SGK1: variants seen among roughly 807,000 people sequenced by gnomAD.
SGK1 encodes serine/threonine-protein kinase Sgk1.
A neutral mutation model predicts 64.2 loss-of-function variants in SGK1; 26 were observed. That is an observed-to-expected ratio of 0.40 (90% confidence interval 0.30 to 0.56). SGK1 has a LOEUF of 0.56. Ranked by LOEUF, SGK1 falls within the 20% of genes least tolerant of loss-of-function variation. The probability of loss-of-function intolerance (pLI) is 0.38; values close to 1 mark genes in which losing one functional copy is unlikely to be tolerated. For synonymous variants in SGK1, 265 were observed against 239.7 expected (o/e 1.11, Z -0.98); for missense variants, 519 against 645.6 (o/e 0.80, Z 2.12).
At chr6:134,302,265 TG>T (rs1356837367) in intron 1 of SGK1, among the ~76,000 whole-genome samples, 5 of 152,204 alleles carry the variant, frequency 3.3e-5, no homozygotes, top group African/African-American at 1.2e-4. Context: ...CTTGTGCATA[TG>T]TAACTAAAAA....
chr6:134,316,591 A>G (rs1582782798), intron 1 of SGK1, among the ~76,000 whole-genome samples: 1 of 152,056 alleles, frequency 6.6e-6, no homozygotes, highest in East Asian at 1.9e-4. Flanking sequence ...TTATTGTGAA[A>G]TATACATGCA....
chr6:134,298,275 C>T, intron 1 of SGK1: 1 of 1,563,932 alleles, frequency 6.4e-7, no homozygotes, highest in Non-Finnish European at 8.7e-7. Context: ...TGAAGTAGCT[C>T]TCGAACATGT....
intron 3 of SGK1, chr6:134,174,890 TA>T: frequency 6.3e-7 from 1 of 1,590,876 alleles, no homozygotes; most frequent in Non-Finnish European, 8.5e-7. Flanking sequence ...CTCGGCCTTA[TA>T]AAAAAGGCAC....
chr6:134,181,866 G>A lies in SGK1; in HGVS notation c.362-7280C>T, dbSNP rs982870712. ...GCTACCTGTGAGTTTTTTTTGTTTT[G>A]TTTTGTTTTGATATGGAGTCTCACT... On this transcript the variant is annotated intron_variant, in intron 3 of 13. Transcript: ENST00000367858. Among the ~76,000 whole-genome samples, 6 of 151,982 alleles carry A rather than the reference G, an allele frequency of 3.9e-5. No individual in the cohort carries two copies. The East Asian group carries it at 1.2e-3, about 30-fold the overall frequency.
chr6:134,268,470 A>T (rs9483671), intron 1 of SGK1, among the ~76,000 whole-genome samples: 4 of 151,704 alleles, frequency 2.6e-5, no homozygotes, highest in African/African-American at 9.7e-5. Flanking sequence ...TCATGCCTGT[A>T]ATCCCAGTAC....
At chr6:134,213,301 C>T (rs1163202434) in intron 2 of SGK1, among the ~76,000 whole-genome samples, 1 of 152,028 alleles carries the variant, frequency 6.6e-6, no homozygotes, top group African/African-American at 2.4e-5. Flanking sequence ...GCAGGCAGAT[C>T]TCCTGAGGTC....
At chr6:134,212,068 G>GA (rs1426634760) in intron 2 of SGK1, among the ~76,000 whole-genome samples, 1 of 22,138 alleles carries the variant, frequency 4.5e-5, no homozygotes, top group Non-Finnish European at 2.3e-4. Context: ...TGTTTTTTTT[G>GA]GGGGGGACGG....
In SGK1 at chr6:134,232,425, A is replaced by AGAGAGAGAGAGAG. The variant is rs1562259726; in HGVS notation, c.286-24995_286-24994insCTCTCTCTCTCTC. Among the ~76,000 whole-genome samples, 7 of 42,042 alleles carry AGAGAGAGAGAGAG rather than the reference A, an allele frequency of 1.7e-4. 1 individual carries two copies. Among genetic ancestry groups the AGAGAGAGAGAGAG allele is most frequent in the African/African-American group, 6.3e-4 (7 of 11,034 alleles). The allele number at this position is 42,042 out of a possible 152,430, so 27.6% of individuals were successfully genotyped here. On this transcript the variant is annotated intron_variant, in intron 2 of 13. Coordinates refer to ENST00000367858, the MANE Select transcript of SGK1 (RefSeq NM_001143676.3). Reference sequence around the variant, plus strand: ...AAAAAGAAAGAAAGAGAAAGAAAGAAAGAAAGAAAGAAAGAAAGAAAGAAA... The same window carrying AGAGAGAGAGAGAG: ...AAAAAGAAAGAAAGAGAAAGAAAGAAGAGAGAGAGAGAGAGAAAGAAAGAAAGAAAGAAAGAAA...
intron 2 of SGK1, among the ~76,000 whole-genome samples, chr6:134,258,099 A>G (rs1433890412): frequency 1.3e-5 from 2 of 151,724 alleles, no homozygotes; most frequent in African/African-American, 4.9e-5. Context: ...AAAAACACAA[A>G]ATATAGATTT....
intron 1 of SGK1, among the ~76,000 whole-genome samples, chr6:134,281,090 C>T (rs993667565): frequency 3.9e-5 from 6 of 152,034 alleles, no homozygotes; most frequent in African/African-American, 1.4e-4. Context: ...AACAAAATAC[C>T]AGATCCAATC....
At chr6:134,190,946 A>G (rs1169778648) in intron 3 of SGK1, among the ~76,000 whole-genome samples, 1 of 152,170 alleles carries the variant, frequency 6.6e-6, no homozygotes, top group Non-Finnish European at 1.5e-5. Flanking sequence ...TATCTTCCTC[A>G]TATGTGCCAA....
At chr6:134,209,358 C>T (rs1304534210) in intron 2 of SGK1, among the ~76,000 whole-genome samples, 5 of 152,042 alleles carry the variant, frequency 3.3e-5, no homozygotes, top group South Asian at 2.1e-4. Context: ...CGCTTGAACC[C>T]GGGAGGCAGA....
At chr6:134,231,651 CTATT>C (rs1356076713) in intron 2 of SGK1, among the ~76,000 whole-genome samples, 1 of 152,176 alleles carries the variant, frequency 6.6e-6, no homozygotes, top group African/African-American at 2.4e-5. Flanking sequence ...CATCTTGACA[CTATT>C]TATAATTGCA....
At chr6:134,181,515 G>T (rs920038559) in intron 3 of SGK1, among the ~76,000 whole-genome samples, 6 of 151,672 alleles carry the variant, frequency 4.0e-5, no homozygotes, top group Non-Finnish European at 2.9e-5. Flanking sequence ...CAGTTAATTT[G>T]AGTACTTTTA....
intron 2 of SGK1, among the ~76,000 whole-genome samples, chr6:134,237,149 G>A (rs923488299): frequency 6.6e-6 from 1 of 150,970 alleles, no homozygotes; most frequent in Non-Finnish European, 1.5e-5. Flanking sequence ...CTGCCTCTGG[G>A]GCTCAAGCGA....
At chr6:134,181,014 C>G (rs1396674115) in intron 3 of SGK1, among the ~76,000 whole-genome samples, 1 of 152,200 alleles carries the variant, frequency 6.6e-6, no homozygotes, top group Non-Finnish European at 1.5e-5. Flanking sequence ...AGAAACAGGT[C>G]TGAGAGCTTT....
rs537393854 is a variant in SGK1 at position 134,173,658 on chromosome 6, A to G, written c.514-92T>C. The G allele has an allele frequency of 3.6e-6, 3 of 830,490 alleles. No individual in the cohort carries two copies. The Admixed American group carries it at 8.5e-5, about 24-fold the overall frequency. 51.4% of individuals were successfully genotyped at this position (830,490 alleles called of 1,614,324 possible). A position where few individuals can be genotyped will look rare whatever the true frequency, so the allele number is the denominator to read the frequency against. On this transcript the variant is annotated intron_variant, in intron 5 of 13. Coordinates refer to ENST00000367858, the MANE Select transcript of SGK1 (RefSeq NM_001143676.3). ...CGATGTAGAAAATGTTACATCTACA[A>G]ATGACTGATGCAAATGACCATACAT... is the stretch of plus-strand genomic sequence containing the variant.
chr6:134,235,941 A>T (rs1562260779), intron 2 of SGK1, among the ~76,000 whole-genome samples: 1 of 150,434 alleles, frequency 6.6e-6, no homozygotes, highest in Non-Finnish European at 1.5e-5. Flanking sequence ...TAATTAACTA[A>T]TTTTTTTTTT....
intron 3 of SGK1, among the ~76,000 whole-genome samples, chr6:134,185,585 TG>T (rs1223573625): frequency 3.3e-5 from 5 of 151,790 alleles, no homozygotes; most frequent in Admixed American, 6.6e-5. Context: ...TGTGTGTGTG[TG>T]TGTATTAGTT....
Sources: gnomAD v4.1 joint callset for allele counts (sites outside exome capture counted in the v4.1 genomes callset) on GRCh38, gnomAD v4.1.1 for gene constraint, MANE v1.5 for transcripts, NCBI Gene and HGNC (gene_info 2026-07-23, HGNC 2026-07-21) for gene names.